The following SH3GL2 variants were observed in gnomAD, a reference collection of about 807,000 sequenced individuals.
SH3GL2 encodes endophilin-A1.
Under a neutral mutation model 46.0 loss-of-function variants are expected in SH3GL2, and 24 were observed. The ratio of observed to expected loss-of-function variants is 0.52; its 90% CI spans 0.38 to 0.73. The LOEUF is 0.73. Among genes scored for constraint, SH3GL2 ranks in the 30% least tolerant of loss-of-function variants. The pLI is 0.00. For synonymous variants in SH3GL2, 196 were observed against 147.1 expected (o/e 1.33, Z -2.40); for missense variants, 413 against 424.2 (o/e 0.97, Z 0.23).
chr9:17,588,559 C>T (rs1379752242), intron 1 of SH3GL2, among the ~76,000 whole-genome samples: 2 of 152,242 alleles, frequency 1.3e-5, no homozygotes, highest in East Asian at 3.9e-4. Context: ...GTAATGCAGG[C>T]AGCCTCTAGG....
chr9:17,731,780 G>T (rs1472348038), intron 1 of SH3GL2, among the ~76,000 whole-genome samples: 1 of 152,152 alleles, frequency 6.6e-6, no homozygotes, highest in Non-Finnish European at 1.5e-5. Context: ...AGTGTCTTCA[G>T]CTTCATCTCA....
chr9:17,671,675 C>T (rs1393604740), intron 1 of SH3GL2, among the ~76,000 whole-genome samples: 1 of 152,086 alleles, frequency 6.6e-6, no homozygotes, highest in Non-Finnish European at 1.5e-5. Context: ...GAAAAAAGCC[C>T]TTGACTTTCA....
intron 2 of SH3GL2, among the ~76,000 whole-genome samples, chr9:17,749,486 G>C (rs1381472277): frequency 6.6e-6 from 1 of 151,990 alleles, no homozygotes; most frequent in Non-Finnish European, 1.5e-5. Context: ...AGTTTGCCAC[G>C]TGGCCAATGT....
intron 1 of SH3GL2, among the ~76,000 whole-genome samples, chr9:17,717,156 A>G (rs1437049602): frequency 6.6e-6 from 1 of 152,106 alleles, no homozygotes; most frequent in Non-Finnish European, 1.5e-5. Flanking sequence ...GTCTCAAGGG[A>G]CAGACTTGTG....
At chr9:17,582,898 C>T (rs1818303699) in intron 1 of SH3GL2, among the ~76,000 whole-genome samples, 1 of 152,216 alleles carries the variant, frequency 6.6e-6, no homozygotes. Context: ...GCTCACATGA[C>T]ATTCTCCCTG....
intron 1 of SH3GL2, among the ~76,000 whole-genome samples, chr9:17,597,605 T>G (rs1184238454): frequency 6.6e-6 from 1 of 152,196 alleles, no homozygotes; most frequent in East Asian, 1.9e-4. Flanking sequence ...GTATTCTGTA[T>G]TATGTGCTTG....
At chr9:17,732,265 A>C (rs191936086) in intron 1 of SH3GL2, among the ~76,000 whole-genome samples, 40 of 152,234 alleles carry the variant, frequency 2.6e-4, no homozygotes, top group East Asian at 9.7e-4. Flanking sequence ...TTTTGCCCTC[A>C]AGGTTTGCCA....
chr9:17,696,755 G>C (rs924308835), intron 1 of SH3GL2, among the ~76,000 whole-genome samples: 22 of 152,276 alleles, frequency 1.4e-4, no homozygotes, highest in African/African-American at 5.1e-4. Context: ...TTGAAGATGA[G>C]ATTTGGGTGG....
At chr9:17,791,588 A>C (rs1283069324) in intron 7 of SH3GL2, among the ~76,000 whole-genome samples, 1 of 152,230 alleles carries the variant, frequency 6.6e-6, no homozygotes, top group Non-Finnish European at 1.5e-5. Flanking sequence ...GTGGAACACC[A>C]GGATGCTACT....
intron 1 of SH3GL2, among the ~76,000 whole-genome samples, chr9:17,608,056 GC>G (rs1172573642): frequency 1.3e-5 from 2 of 151,950 alleles, no homozygotes; most frequent in Non-Finnish European, 2.9e-5. Context: ...TGTTTGGGGG[GC>G]TGTTTTGCAC....
chr9:17,670,824 A>G (rs542010185), intron 1 of SH3GL2, among the ~76,000 whole-genome samples: 4 of 152,290 alleles, frequency 2.6e-5, no homozygotes, highest in African/African-American at 9.6e-5. Context: ...CATATACATC[A>G]GTGATTCTCA....
intron 1 of SH3GL2, among the ~76,000 whole-genome samples, chr9:17,625,329 A>G (rs915579543): frequency 3.3e-5 from 5 of 152,084 alleles, no homozygotes; most frequent in African/African-American, 4.8e-5. Flanking sequence ...CCCACTTTAT[A>G]TTGCTGTGTG....
At position 17,579,230 on chromosome 9, in the gene SH3GL2, G is replaced by T; in HGVS notation, c.-13G>T. Reference sequence around the variant, plus strand: ...CCTCCCGCACAGCAGCCGCCAGCGCGGCCTCCTGCACCATGTCGGTGGCCG... The same window carrying T: ...CCTCCCGCACAGCAGCCGCCAGCGCTGCCTCCTGCACCATGTCGGTGGCCG... On this transcript the variant is annotated 5_prime_UTR_variant, in exon 1 of 9. Transcript: ENST00000380607. 1 of 1,547,110 alleles carries T rather than the reference G, an allele frequency of 6.5e-7. No homozygotes were observed. The highest frequency in any genetic ancestry group is 8.7e-7 in the Non-Finnish European group (1 of 1,148,694).
intron 1 of SH3GL2, among the ~76,000 whole-genome samples, chr9:17,659,597 G>A (rs79538775): frequency 0.019 from 2,878 of 152,216 alleles, 104 homozygotes; most frequent in African/African-American, 0.059. Flanking sequence ...GTAACACAGT[G>A]TTGTACTTAC....
At chr9:17,586,746 C>T (rs1025154379) in intron 1 of SH3GL2, among the ~76,000 whole-genome samples, 8 of 152,160 alleles carry the variant, frequency 5.3e-5, no homozygotes, top group African/African-American at 9.7e-5. Flanking sequence ...AACAGTGTGG[C>T]GGTAACCACC....
At chr9:17,699,737 A>G (rs1180117868) in intron 1 of SH3GL2, among the ~76,000 whole-genome samples, 1 of 152,250 alleles carries the variant, frequency 6.6e-6, no homozygotes, top group Non-Finnish European at 1.5e-5. Context: ...AGTTCAGTGC[A>G]TCATCCATTT....
intron 1 of SH3GL2, among the ~76,000 whole-genome samples, chr9:17,628,684 C>G (rs916298032): frequency 2.6e-5 from 4 of 151,720 alleles, no homozygotes; most frequent in African/African-American, 9.7e-5. Context: ...AAATGGGTAG[C>G]TTTAATTTCA....
At chr9:17,604,424 CAGTA>C (rs1818727422) in intron 1 of SH3GL2, among the ~76,000 whole-genome samples, 1 of 152,224 alleles carries the variant, frequency 6.6e-6, no homozygotes, top group Non-Finnish European at 1.5e-5. Context: ...TATTTTCACA[CAGTA>C]AGTAACACAT....
chr9:17,581,256 A>C (rs988687422), intron 1 of SH3GL2, among the ~76,000 whole-genome samples: 2 of 152,204 alleles, frequency 1.3e-5, no homozygotes, highest in Non-Finnish European at 2.9e-5. Context: ...AAAGTGTAGA[A>C]AAAATAATTT....
Sources: allele counts gnomAD v4.1 joint callset (sites outside exome capture counted in the v4.1 genomes callset), GRCh38; gene constraint gnomAD v4.1.1; transcripts MANE v1.5; gene names NCBI Gene and HGNC (gene_info 2026-07-23, HGNC 2026-07-21).